DNHD1: variants seen among roughly 807,000 people sequenced by gnomAD.
DNHD1 encodes dynein heavy chain domain 1.
Under a neutral mutation model 458.1 loss-of-function variants are expected in DNHD1, and 383 were observed. The ratio of observed to expected loss-of-function variants is 0.84; its 90% CI spans 0.77 to 0.91. The LOEUF (loss-of-function observed/expected upper bound fraction) is 0.91, where lower values mean the gene tolerates loss of function less well. DNHD1 is among the 40% of genes least tolerant of loss of function. DNHD1 has a pLI of 0.00. For synonymous variants in DNHD1, 2,203 were observed against 2,376.9 expected (o/e 0.93, Z 2.13); for missense variants, 5,336 against 5,866.1 (o/e 0.91, Z 2.95).
chr11:6,567,242 A>G lies in DNHD1; in HGVS notation c.11733A>G (p.Arg3911=), dbSNP rs1440868458. The change falls in exon 36 of 43, where the codon AGA becomes AGG. Residue 3911 remains arginine, a synonymous_variant. Transcript: ENST00000254579. ...TGGCCAGCCATCTACTGCAATTGAG[A>G]GCACACCTGACCCGCCAGCTGCTGG... ...EDLASHLLQL[R]AHLTRQLLGS... 6.2e-7 allele frequency: 1 copy of G among 1,613,970 alleles called. No homozygotes were observed. The highest frequency in any genetic ancestry group is 2.2e-5 in the East Asian group (1 of 44,882).
Position 6,558,287 on chromosome 11 carries a change from G to A in DNHD1, c.8992G>A (p.Val2998Met), listed in dbSNP as rs1853512720. 1 of 1,551,030 alleles carries A rather than the reference G, an allele frequency of 6.4e-7. No individual in the cohort carries two copies. The highest frequency in any genetic ancestry group is 8.7e-7 in the Non-Finnish European group (1 of 1,146,738). Reference sequence around the variant, plus strand: ...CAAACAGAACATCAAGAAGGAAATGGTGTTGCAGAGGTGAGGCCAAGAACC... The same window carrying A: ...CAAACAGAACATCAAGAAGGAAATGATGTTGCAGAGGTGAGGCCAAGAACC... ...GVKQNIKKEM[V>M]LQRFHQQVCS... Residue 2998 changes from valine (V) to methionine (M), a missense_variant, in exon 25 of 43, where the codon GTG (valine) becomes ATG (methionine). Val to Met is a conservative substitution (Grantham distance 21). Coordinates refer to ENST00000254579, the MANE Select transcript of DNHD1 (RefSeq NM_144666.3).
rs1016915947 is a variant in DNHD1 at position 6,563,091 on chromosome 11, G to T, written c.9629G>T (p.Arg3210Leu). 2.6e-6 allele frequency: 4 copies of T among 1,551,556 alleles called. No homozygotes were observed. In the African/African-American group the frequency reaches 4.1e-5, roughly 16 times the overall value. Residue 3210 changes from arginine to leucine, a missense_variant, in exon 29 of 43, where the codon CGG becomes CTG. Physicochemically the swap from Arg to Leu is moderately radical, Grantham distance 102 (BLOSUM62 -2). Transcript: ENST00000254579. ...CTCATTGAGAACCTGGCCAGGCAAC[G>T]GGATGCCCTGCAAGCTCAGCGAGAG... The part of the protein sequence containing the change: ...ENLIENLARQ[R>L]DALQAQREAF...
chr11:6,564,764 A>T lies in DNHD1; in HGVS notation c.10716A>T (p.Glu3572Asp), dbSNP rs200117727. The change falls in exon 32 of 43, where the codon GAA becomes GAT. Residue 3572 changes from glutamate (E) to aspartate (D), a missense_variant. Transcript: ENST00000254579. The stretch of plus-strand genomic sequence containing the variant: ...TCTGGTTGGACCCGCTGCCTCTGGA[A>T]GAGAATCGATCTTTTGCGCCAGCCC... Reference protein sequence around the residue: ...ALIWLDPLPLEENRSFAPALT... With the variant: ...ALIWLDPLPLDENRSFAPALT... The T allele has an allele frequency of 2.8e-4, 439 of 1,542,386 alleles. No homozygotes were observed. In the African/African-American group the frequency reaches 5.2e-3, roughly 18 times the overall value.
chr11:6,523,827 A>G (rs980157914), intron 10 of DNHD1, among the ~76,000 whole-genome samples: 22 of 152,224 alleles, frequency 1.4e-4, no homozygotes, highest in African/African-American at 4.8e-4. Flanking sequence ...TCTCTACAAA[A>G]AAATTTACAA....
chr11:6,545,439 C>A lies in DNHD1; in HGVS notation c.4500C>A (p.Ile1500=). Reference sequence around the variant, plus strand: ...TGCAACTGTATGTCCAGCACTGGATCGACTTAGTCCAGGCCTTCCCATGGC... The same window carrying A: ...TGCAACTGTATGTCCAGCACTGGATAGACTTAGTCCAGGCCTTCCCATGGC... ...LYLQLYVQHW[I]DLVQAFPWQC... The change falls in exon 21 of 43, where the codon ATC becomes ATA. Residue 1500 remains isoleucine (I), a synonymous_variant. Coordinates refer to ENST00000254579, the MANE Select transcript of DNHD1 (RefSeq NM_144666.3). This position sits in a 1 kb window ranked among gnomAD's most constrained non-coding sequence, Gnocchi z 4.9. 1 of 1,551,854 alleles carries A rather than the reference C, an allele frequency of 6.4e-7. No individual in the cohort carries two copies. The highest frequency in any genetic ancestry group is 8.7e-7 in the Non-Finnish European group (1 of 1,147,028).
intron 29 of DNHD1, 103 bp downstream of exon 29, chr11:6,563,234 C>T: frequency 6.5e-7 from 1 of 1,532,996 alleles, no homozygotes; most frequent in African/African-American, 1.4e-5. Context: ...ATCATGGAAT[C>T]TCCTGGGGGG....
chr11:6,517,715 G>C (rs552339854), intron 7 of DNHD1, among the ~76,000 whole-genome samples: 1 of 122,606 alleles, frequency 8.2e-6, no homozygotes, highest in East Asian at 2.5e-4. Context: ...CCTGAGACTG[G>C]AGACCTCATG....
chr11:6,565,675 T>C lies in DNHD1; in HGVS notation c.10757-20T>C. On this transcript the variant is annotated intron_variant, in intron 32 of 42. Transcript: ENST00000254579. ...TGATTCCTCCCCTAAGAAGAGCTCC[T>C]CTGAATCTTTCTGCCCCAGGGAAAG... The C allele has an allele frequency of 6.5e-7, 1 of 1,532,212 alleles. No homozygotes were observed. Among genetic ancestry groups the C allele is most frequent in the Non-Finnish European group, 8.8e-7 (1 of 1,139,318 alleles). The allele number at this position is 1,532,212 out of a possible 1,614,324, so 94.9% of individuals were successfully genotyped here. A position where few individuals can be genotyped will look rare whatever the true frequency, so the allele number is the denominator to read the frequency against.
rs1199346937 is a variant in DNHD1, at chr11:6,548,144, TGA to T, written c.6906-64_6906-63del. On this transcript the variant is annotated intron_variant, in intron 22 of 42. Coordinates refer to ENST00000254579, the MANE Select transcript of DNHD1 (RefSeq NM_144666.3). This position sits in a 1 kb window ranked among gnomAD's most constrained non-coding sequence, Gnocchi z 4.4. ...CACTGTTAGGGTATGGTGGAGTGTGTGAGTGTGTCATAAATGGAAGTGTTGTA... is the reference window on the plus strand; with the variant it reads ...CACTGTTAGGGTATGGTGGAGTGTGTGTGTGTCATAAATGGAAGTGTTGTA... 4.5e-6 allele frequency: 7 copies of T among 1,543,994 alleles called. No homozygotes were observed. The African/African-American group carries it at 9.6e-5, about 21-fold the overall frequency.
At chr11:6,565,498 A>G (rs546143841) in intron 32 of DNHD1, among the ~76,000 whole-genome samples, 197 bp from the exon 33 acceptor site, 1 of 152,354 alleles carries the variant, frequency 6.6e-6, no homozygotes, top group South Asian at 2.1e-4. Context: ...TAATCTTCAC[A>G]GTAACCCTAT....
chr11:6,556,565 C>G, intron 24 of DNHD1, 118 bp from the exon 25 acceptor site: 2 of 1,010,198 alleles, frequency 2.0e-6, no homozygotes, highest in Non-Finnish European at 2.8e-6. Flanking sequence ...GACCAAGTCC[C>G]AACACGTCAG....
At chr11:6,541,549 A>G (rs1448251912) in intron 18 of DNHD1, among the ~76,000 whole-genome samples, 2 of 152,210 alleles carry the variant, frequency 1.3e-5, no homozygotes, top group Non-Finnish European at 2.9e-5. Flanking sequence ...CATGAATAAA[A>G]GAGCTTCTAT....
chr11:6,532,546 A>G (rs982597193), intron 12 of DNHD1, among the ~76,000 whole-genome samples: 1 of 152,222 alleles, frequency 6.6e-6, no homozygotes, highest in Non-Finnish European at 1.5e-5. Context: ...ATACTCTGCT[A>G]TTCACAAACA....
In DNHD1 at chr11:6,551,949, A is replaced by T. The variant is rs1564818385; in HGVS notation, c.7387+3016A>T. Among the ~76,000 whole-genome samples, 2 of 148,912 alleles carry T rather than the reference A, an allele frequency of 1.3e-5. 1 individual carries two copies. The highest frequency in any genetic ancestry group is 3.0e-5 in the Non-Finnish European group (2 of 67,650). On this transcript the variant is annotated intron_variant, in intron 24 of 42. Transcript: ENST00000254579. The stretch of plus-strand genomic sequence containing the variant: ...GAGCGAGACTCCGTCTCCAAAAAAA[A>T]AAAGGGGAGCCAGGCATGGTGGCAT...
chr11:6,512,011 C>T (rs925876069), intron 7 of DNHD1, among the ~76,000 whole-genome samples: 26 of 151,936 alleles, frequency 1.7e-4, no homozygotes, highest in African/African-American at 4.8e-4. Context: ...GTAGATAGTC[C>T]GGTTCTGAGA....
chr11:6,533,142 C>T lies in DNHD1; in HGVS notation c.2463C>T (p.Thr821=). ...CAGATTTCATGCATATCTTCCGAAC[C>T]ATCAACTCAGATATTCATGCCATTG... ...ELTDFMHIFR[T]INSDIHAIAQ... Residue 821 remains threonine, a synonymous_variant, in exon 13 of 43, where the codon ACC becomes ACT. Transcript: ENST00000254579. 1 of 1,551,644 alleles carries T rather than the reference C, an allele frequency of 6.4e-7. No homozygotes were observed. The highest frequency in any genetic ancestry group is 2.4e-5 in the East Asian group (1 of 40,912).
rs1354922313 is a variant in DNHD1 at position 6,545,773 on chromosome 11, C to A, written c.4834C>A (p.Pro1612Thr). 1.3e-6 allele frequency: 2 copies of A among 1,551,752 alleles called. No homozygotes were observed. The highest frequency in any genetic ancestry group is 1.4e-5 in the African/African-American group (1 of 73,174). ...VRQLKYHLGS[P>T]HIIPKSPLQS... ...CCAACTCAAGTATCACTTGGGTTCA[C>A]CTCACATAATCCCCAAAAGCCCCCT... Residue 1612 changes from proline (P) to threonine (T), a missense_variant, in exon 21 of 43, where the codon CCT (proline) becomes ACT (threonine). This residue lies in a region of DNHD1 where 3,932 missense variants were observed against 4,365.6 expected (regional missense o/e 0.90). Coordinates refer to ENST00000254579, the MANE Select transcript of DNHD1 (RefSeq NM_144666.3). The surrounding 1 kb of genome is among the most constrained non-coding windows in gnomAD (Gnocchi z 4.9).
At chr11:6,529,422 TTC>T (rs1474352873) in intron 12 of DNHD1, among the ~76,000 whole-genome samples, 2 of 152,184 alleles carry the variant, frequency 1.3e-5, no homozygotes. Flanking sequence ...CTAGGGTGCT[TTC>T]TCTCTGCATG....
At chr11:6,558,787 C>G in intron 26 of DNHD1, 94 bp downstream of exon 26, 1 of 1,488,884 alleles carries the variant, frequency 6.7e-7, no homozygotes, top group African/African-American at 1.4e-5. Context: ...CTCTCTAGAG[C>G]CTACAGAGCC....
Sources: gnomAD v4.1 joint callset for allele counts (sites outside exome capture counted in the v4.1 genomes callset) on GRCh38, gnomAD v4.1.1 for gene constraint, gnomAD v4.1.1 regional missense constraint, Gnocchi (gnomAD v3.1) non-coding constraint, MANE v1.5 for transcripts, NCBI Gene and HGNC (gene_info 2026-07-23, HGNC 2026-07-21) for gene names.